AKAP13: variants seen among roughly 807,000 people sequenced by gnomAD.
AKAP13 encodes the protein A-kinase anchor protein 13.
AKAP13 carries 80 observed loss-of-function variants against 264.5 expected under a neutral mutation model. The observed-to-expected ratio is 0.30, with a 90% CI of 0.25 to 0.36. AKAP13 has a LOEUF of 0.36. Ranked by LOEUF, AKAP13 falls within the 10% of genes least tolerant of loss-of-function variation. The pLI, the probability that AKAP13 is intolerant of heterozygous loss-of-function variation, is 1.00. For synonymous variants in AKAP13, 1,380 were observed against 1,250.2 expected (o/e 1.10, Z -2.19); for missense variants, 3,712 against 3,435.2 (o/e 1.08, Z -2.01).
chr15:85,494,126 C>A (rs1241206062), intron 2 of AKAP13, among the ~76,000 whole-genome samples: 1 of 152,150 alleles, frequency 6.6e-6, no homozygotes, highest in East Asian at 1.9e-4. Flanking sequence ...ATGCCCAATT[C>A]CTCTGGAACA....
intron 14 of AKAP13, among the ~76,000 whole-genome samples, chr15:85,676,113 G>A (rs573851303): frequency 2.0e-5 from 3 of 152,184 alleles, no homozygotes; most frequent in South Asian, 4.2e-4. Flanking sequence ...GGGTTTCACC[G>A]TGTTGGCCAG....
intron 1 of AKAP13, among the ~76,000 whole-genome samples, chr15:85,433,247 C>G (rs1431506014): frequency 1.3e-5 from 2 of 150,446 alleles, no homozygotes; most frequent in Non-Finnish European, 2.9e-5. Flanking sequence ...AACAACTTTT[C>G]CTCTCAATTC....
At chr15:85,593,415 T>C (rs2079668545) in intron 8 of AKAP13, among the ~76,000 whole-genome samples, 1 of 152,130 alleles carries the variant, frequency 6.6e-6, no homozygotes, top group Non-Finnish European at 1.5e-5. Context: ...TTTTTTCTTT[T>C]TTAAATTTGA....
intron 2 of AKAP13, among the ~76,000 whole-genome samples, chr15:85,510,774 T>A (rs1056935022): frequency 6.6e-6 from 1 of 152,174 alleles, no homozygotes. Flanking sequence ...TTAAATGGTG[T>A]GGAATTGAGT....
chr15:85,603,250 T>C (rs984780133), intron 8 of AKAP13, among the ~76,000 whole-genome samples: 2 of 152,252 alleles, frequency 1.3e-5, no homozygotes, highest in East Asian at 1.9e-4. Flanking sequence ...AGAAGTATTA[T>C]GTGTTTGCTT....
At chr15:85,472,356 A>C (rs909174637) in intron 1 of AKAP13, among the ~76,000 whole-genome samples, 8 of 151,772 alleles carry the variant, frequency 5.3e-5, no homozygotes, top group Non-Finnish European at 8.8e-5. Context: ...AAAAAAAAAA[A>C]CAAAGACAAC....
intron 1 of AKAP13, among the ~76,000 whole-genome samples, chr15:85,481,855 G>GCT (rs2075362950): frequency 6.6e-6 from 1 of 152,188 alleles, no homozygotes; most frequent in Non-Finnish European, 1.5e-5. Context: ...CATTTCACTG[G>GCT]CTACTGGGTG....
chr15:85,669,331 AGTATT>A (rs2083788625), intron 13 of AKAP13, among the ~76,000 whole-genome samples: 1 of 152,244 alleles, frequency 6.6e-6, no homozygotes, highest in African/African-American at 2.4e-5. Flanking sequence ...TCAAAGAACA[AGTATT>A]GTATGTAGTT....
intron 1 of AKAP13, among the ~76,000 whole-genome samples, chr15:85,450,648 C>T (rs1274034718): frequency 6.6e-6 from 1 of 152,060 alleles, no homozygotes. Context: ...TCTTATTTTC[C>T]ATGTAATTGG....
rs756757283 is a variant in AKAP13 at position 85,575,117 on chromosome 15, A to T, written c.663-14A>T. The T allele has an allele frequency of 1.2e-6, 2 of 1,613,090 alleles. No individual in the cohort carries two copies. Among genetic ancestry groups the T allele is most frequent in the South Asian group, 2.2e-5 (2 of 91,058 alleles). Reference sequence around the variant, plus strand: ...CAGAATGTATATATATTAACCAGAGATGCTTGCATGTAGGGAGAATGCTGG... The same window carrying T: ...CAGAATGTATATATATTAACCAGAGTTGCTTGCATGTAGGGAGAATGCTGG... On this transcript the variant is annotated splice_polypyrimidine_tract_variant and intron_variant, in intron 5 of 36. Transcript: ENST00000394518.
intron 8 of AKAP13, among the ~76,000 whole-genome samples, chr15:85,597,297 A>G (rs1202477006): frequency 6.6e-6 from 1 of 152,178 alleles, no homozygotes; most frequent in Admixed American, 6.5e-5. Context: ...GCCTGCCATC[A>G]TTTGTGATGC....
At chr15:85,743,905 C>T (rs2089240571) in intron 36 of AKAP13, 80 bp downstream of exon 36, 5 of 1,479,942 alleles carry the variant, frequency 3.4e-6, no homozygotes, top group Non-Finnish European at 4.5e-6. Context: ...TGGCATGGGG[C>T]GGGGTTGAAA....
chr15:85,438,568 T>C (rs1255185048), intron 1 of AKAP13, among the ~76,000 whole-genome samples: 4 of 145,172 alleles, frequency 2.8e-5, no homozygotes, highest in Non-Finnish European at 4.5e-5. Context: ...CTTCAAACTA[T>C]ACTACAAGGC....
intron 8 of AKAP13, among the ~76,000 whole-genome samples, chr15:85,601,031 A>G (rs774503710): frequency 1.4e-4 from 22 of 152,242 alleles, no homozygotes; most frequent in Non-Finnish European, 2.9e-4. Context: ...TAAAATATCC[A>G]TGTACTTGGC....
At position 85,693,461 on chromosome 15, in the gene AKAP13, A is replaced by G. The variant is rs1306074932; in HGVS notation, c.5464+10A>G. On this transcript the variant is annotated intron_variant, in intron 17 of 36. Transcript: ENST00000394518. ...GCCTATACTTGTGCAAGTAAGAGACATGCTTCTTCCTCTCGTAAGATGGAA... is the reference window on the plus strand; with the variant it reads ...GCCTATACTTGTGCAAGTAAGAGACGTGCTTCTTCCTCTCGTAAGATGGAA... The G allele has an allele frequency of 1.9e-6, 3 of 1,610,300 alleles. No homozygotes were observed. Among genetic ancestry groups the G allele is most frequent in the Non-Finnish European group, 2.5e-6 (3 of 1,179,030 alleles).
intron 18 of AKAP13, among the ~76,000 whole-genome samples, chr15:85,709,230 T>C (rs2086489398): frequency 6.6e-6 from 1 of 152,222 alleles, no homozygotes; most frequent in Non-Finnish European, 1.5e-5. Flanking sequence ...TCCCAGTTTT[T>C]CCTTTTTTCC....
At chr15:85,531,899 G>A (rs2077253194) in intron 3 of AKAP13, among the ~76,000 whole-genome samples, 1 of 152,186 alleles carries the variant, frequency 6.6e-6, no homozygotes, top group Non-Finnish European at 1.5e-5. Context: ...TTAGCTCTTA[G>A]CCTTCTTCCT....
intron 4 of AKAP13, chr15:85,534,442 T>G (rs948027204): frequency 1.3e-5 from 2 of 151,144 alleles, no homozygotes; most frequent in African/African-American, 2.4e-5. Flanking sequence ...TTGTTTTTTG[T>G]TTTTTTTTGA....
Position 85,581,626 on chromosome 15 carries a change from C to G in AKAP13, c.3558C>G (p.Val1186=). Residue 1186 remains valine (V), a synonymous_variant, in exon 7 of 37, where the codon GTC becomes GTG. Coordinates refer to ENST00000394518, the MANE Select transcript of AKAP13 (RefSeq NM_007200.5). ...EAQIDDEAHP[V]LLQPVAKELP... is the part of the protein sequence containing the mutation. ...AAATAGACGATGAAGCACATCCTGT[C>G]CTACTGCAGCCTGTTGCCAAGGAGC... 6.2e-7 allele frequency: 1 copy of G among 1,614,176 alleles called. No homozygotes were observed. Among genetic ancestry groups the G allele is most frequent in the Non-Finnish European group, 8.5e-7 (1 of 1,180,036 alleles).
Sources: gnomAD v4.1 joint callset for allele counts (sites outside exome capture counted in the v4.1 genomes callset) on GRCh38, gnomAD v4.1.1 for gene constraint, MANE v1.5 for transcripts, NCBI Gene and HGNC (gene_info 2026-07-23, HGNC 2026-07-21) for gene names.